Variants in AGAP1 observed in about 807,000 individuals in gnomAD.
AGAP1 encodes the protein ArfGAP with GTPase domain, ankyrin repeat and PH domain 1, also known as arf-GAP with GTPase, ANK repeat and PH domain-containing protein 1.
Under a neutral mutation model 105.3 loss-of-function variants are expected in AGAP1, and 29 were observed. The observed-to-expected ratio is 0.28, with a 90% confidence interval of 0.21 to 0.38. The LOEUF (loss-of-function observed/expected upper bound fraction) is 0.38. AGAP1 is among the 10% of genes least tolerant of loss of function. The pLI is 1.00. For synonymous variants in AGAP1, 509 were observed against 485.9 expected (o/e 1.05, Z -0.63); for missense variants, 998 against 1,165.1 (o/e 0.86, Z 2.09).
chr2:235,667,085 A>G (rs1282177065), intron 1 of AGAP1, among the ~76,000 whole-genome samples: 1 of 152,138 alleles, frequency 6.6e-6, no homozygotes, highest in Non-Finnish European at 1.5e-5. Flanking sequence ...GCCATATTTT[A>G]GTGGTGTTCA....
In AGAP1 at chr2:235,553,120, GA is replaced by G. The variant is rs1943866169; in HGVS notation, c.163+58274del. 6.6e-6 allele frequency among the ~76,000 whole-genome samples: 1 copy of G among 152,212 alleles called. No individual in the cohort carries two copies. The highest frequency in any genetic ancestry group is 1.5e-5 in the Non-Finnish European group (1 of 68,038). On this transcript the variant is annotated intron_variant, in intron 1 of 17. Transcript: ENST00000304032. This position sits in a 1 kb window ranked among gnomAD's most constrained non-coding sequence, Gnocchi z 4.5. ...ATATACAGTCAGCTACTCACCACTC[GA>G]AAGCCAGACTTGAGAGACAAGGGTT... is the stretch of plus-strand genomic sequence containing the variant.
intron 1 of AGAP1, among the ~76,000 whole-genome samples, chr2:235,570,816 T>C (rs1002660725): frequency 3.2e-4 from 49 of 152,200 alleles, no homozygotes; most frequent in African/African-American, 1.1e-3. Context: ...ACACTACGTG[T>C]AGGTGATTAG....
At chr2:235,796,558 G>A (rs954742865) in intron 6 of AGAP1, among the ~76,000 whole-genome samples, 2 of 152,148 alleles carry the variant, frequency 1.3e-5, no homozygotes, top group Non-Finnish European at 2.9e-5. Flanking sequence ...CTCTCTGTGA[G>A]CCATTTTTTA....
intron 9 of AGAP1, among the ~76,000 whole-genome samples, chr2:235,813,457 A>G (rs946738264): frequency 6.6e-6 from 1 of 152,238 alleles, no homozygotes; most frequent in Non-Finnish European, 1.5e-5. Flanking sequence ...TCCTCTGTGT[A>G]TCCATTGTCC....
intron 1 of AGAP1, among the ~76,000 whole-genome samples, chr2:235,706,381 C>T (rs1188322118): frequency 2.0e-5 from 3 of 149,772 alleles, no homozygotes; most frequent in Admixed American, 1.3e-4. Flanking sequence ...CCCGCCACCA[C>T]GCCCGGCTAA....
intron 9 of AGAP1, among the ~76,000 whole-genome samples, chr2:235,812,832 G>A (rs1194424879): frequency 1.3e-5 from 2 of 152,354 alleles, no homozygotes; most frequent in African/African-American, 2.4e-5. Flanking sequence ...GAGGCCCGCC[G>A]AGCGTACGAT....
chr2:235,804,316 A>G (rs943805148), intron 8 of AGAP1, among the ~76,000 whole-genome samples: 1 of 152,240 alleles, frequency 6.6e-6, no homozygotes, highest in African/African-American at 2.4e-5. Context: ...AAAGCTTACC[A>G]TATAATGTTG....
Position 235,556,445 on chromosome 2 carries a change from A to G in AGAP1, c.163+61596A>G, listed in dbSNP as rs1943977279. The stretch of plus-strand genomic sequence containing the variant: ...CCCACACCTAGGTCTTCAGGATGGG[A>G]CAAGGCAGTCTTGGGGGACTTTGGG... On this transcript the variant is annotated intron_variant, in intron 1 of 17. Transcript: ENST00000304032. The surrounding 1 kb of genome is among the most constrained non-coding windows in gnomAD (Gnocchi z 5.3). Among the ~76,000 whole-genome samples the G allele has an allele frequency of 6.6e-6, 1 of 152,206 alleles. No homozygotes were observed. The highest frequency in any genetic ancestry group is 6.5e-5 in the Admixed American group (1 of 15,286).
intron 9 of AGAP1, among the ~76,000 whole-genome samples, chr2:235,835,094 C>G (rs1017566428): frequency 2.0e-5 from 3 of 152,214 alleles, no homozygotes; most frequent in African/African-American, 4.8e-5. Flanking sequence ...TTGCTCTCCC[C>G]GATTGCACAG....
chr2:236,049,764 A>G (rs2057840901), intron 16 of AGAP1: 1 of 153,438 alleles, frequency 6.5e-6, no homozygotes, highest in African/African-American at 2.4e-5. Flanking sequence ...TAGTCAACCA[A>G]GTTCAGCATA....
chr2:235,735,880 G>A (rs1228402542), intron 3 of AGAP1, among the ~76,000 whole-genome samples: 3 of 152,074 alleles, frequency 2.0e-5, no homozygotes, highest in Non-Finnish European at 2.9e-5. Flanking sequence ...GTTCAGACAA[G>A]AAGATGGGAC....
In AGAP1 at chr2:235,871,313, G is replaced by A. The variant is rs759479906; in HGVS notation, c.1051-12032G>A. Among the ~76,000 whole-genome samples, 10 of 152,258 alleles carry A rather than the reference G, an allele frequency of 6.6e-5. No homozygotes were observed. The East Asian group carries it at 7.7e-4, about 12-fold the overall frequency. ...CCCTGGACCTCCTCTCTCTCCTCCC[G>A]TATTTAACAGAGCCAGGAGCACTTC... On this transcript the variant is annotated intron_variant, in intron 9 of 17. Transcript: ENST00000304032.
In AGAP1 at chr2:235,764,124, C is replaced by T. The variant is rs540805932; in HGVS notation, c.673+13636C>T. Among the ~76,000 whole-genome samples the T allele has an allele frequency of 2.6e-5, 4 of 152,298 alleles. No individual in the cohort carries two copies. In the South Asian group the frequency reaches 8.3e-4, roughly 32 times the overall value. On this transcript the variant is annotated intron_variant, in intron 6 of 17. Transcript: ENST00000304032. ...CTTCCACGGCAGAAGTGCCATGCTT[C>T]CGTAAGCTCTTCCGACTGGTTGGTA... is the stretch of plus-strand genomic sequence containing the variant.
rs76910320 is a variant in AGAP1, at chr2:235,810,833, C to CTT, written c.1050+3522_1050+3523dup. On this transcript the variant is annotated intron_variant, in intron 9 of 17. Transcript: ENST00000304032. Reference sequence around the variant, plus strand: ...GAGGTTGGTTCAGAGAATTCGGTTTCTTTTTTTTTTTTTTTTTTTTTACTA... The same window carrying CTT: ...GAGGTTGGTTCAGAGAATTCGGTTTCTTTTTTTTTTTTTTTTTTTTTTTACTA... Among the ~76,000 whole-genome samples the CTT allele has an allele frequency of 3.9e-3, 445 of 113,118 alleles. 4 individuals carry two copies. The highest frequency in any genetic ancestry group is 0.011 in the African/African-American group (319 of 28,410). The allele number at this position is 113,118 out of a possible 152,430, so 74.2% of individuals were successfully genotyped here. A position where few individuals can be genotyped will look rare whatever the true frequency, so the allele number is the denominator to read the frequency against.
chr2:235,590,713 G>GTGTGCGCA, intron 1 of AGAP1, among the ~76,000 whole-genome samples: 1 of 35,158 alleles, frequency 2.8e-5, no homozygotes, highest in Non-Finnish European at 6.5e-5. Context: ...GTGTGTGTGT[G>GTGTGCGCA]CATTTTTTTT....
At chr2:235,603,006 G>A (rs1353861601) in intron 1 of AGAP1, among the ~76,000 whole-genome samples, 7 of 152,144 alleles carry the variant, frequency 4.6e-5, no homozygotes, top group African/African-American at 1.2e-4. Flanking sequence ...CTGGCCCATC[G>A]GACACACTTC....
intron 1 of AGAP1, among the ~76,000 whole-genome samples, chr2:235,654,149 T>C (rs1304080231): frequency 1.3e-5 from 2 of 152,356 alleles, no homozygotes; most frequent in African/African-American, 2.4e-5. Context: ...TTTTAATCAG[T>C]GTCCTTTAGG....
chr2:236,106,787 A>C (rs1243456591), intron 16 of AGAP1, among the ~76,000 whole-genome samples: 1 of 152,174 alleles, frequency 6.6e-6, no homozygotes, highest in Non-Finnish European at 1.5e-5. Flanking sequence ...CAAGAGGACC[A>C]GGCAAGGTCT....
intron 6 of AGAP1, among the ~76,000 whole-genome samples, chr2:235,755,527 A>T (rs1018501735): frequency 3.3e-5 from 5 of 151,724 alleles, no homozygotes; most frequent in African/African-American, 1.2e-4. Flanking sequence ...TACAGCCTCT[A>T]CCTCCCGGGT....
Sources: gnomAD v4.1 joint callset for allele counts (sites outside exome capture counted in the v4.1 genomes callset) on GRCh38, gnomAD v4.1.1 for gene constraint, Gnocchi (gnomAD v3.1) non-coding constraint, MANE v1.5 for transcripts, NCBI Gene and HGNC (gene_info 2026-07-23, HGNC 2026-07-21) for gene names.